The following MTA3 variants were observed in gnomAD, a reference collection of about 807,000 sequenced individuals.
The protein encoded by MTA3 is metastasis-associated protein MTA3.
In MTA3, 34 loss-of-function variants were observed where a neutral mutation model predicts 83.5. That is an observed-to-expected ratio of 0.41 (90% confidence interval 0.31 to 0.54). The LOEUF is 0.54. Among genes scored for constraint, MTA3 ranks in the 20% least tolerant of loss-of-function variants. The probability of loss-of-function intolerance (pLI) is 0.33; values close to 1 mark genes in which losing one functional copy is unlikely to be tolerated. For synonymous variants in MTA3, 303 were observed against 252.7 expected, an observed-to-expected ratio of 1.20 and a Z score of -1.89; for missense variants, 761 against 726.4, an observed-to-expected ratio of 1.05 and a Z score of -0.55.
intron 14 of MTA3, among the ~76,000 whole-genome samples, chr2:42,714,218 C>G (rs1666861313): frequency 6.6e-6 from 1 of 152,110 alleles, no homozygotes; most frequent in East Asian, 1.9e-4. Flanking sequence ...TGCCCGTGGC[C>G]TGTTTTCTAT....
In MTA3 at chr2:42,627,433, G is replaced by C. The variant is rs116391284; in HGVS notation, c.318-12740G>C. Among the ~76,000 whole-genome samples the C allele has an allele frequency of 8.7e-3, 1,330 of 152,268 alleles. 12 individuals are homozygous for C. Among genetic ancestry groups the C allele is most frequent in the Non-Finnish European group, 0.013 (895 of 68,016 alleles). On this transcript the variant is annotated intron_variant, in intron 4 of 16. Transcript: ENST00000405094. ...CAATGCTATGTTTAGTAGTATTTTA[G>C]ATAGTGGCCAGATGTGCTCTTCTTA...
At chr2:42,577,134 A>ATATATATATATATATATAT (rs1558451250) in intron 2 of MTA3, among the ~76,000 whole-genome samples, 3 of 96,714 alleles carry the variant, frequency 3.1e-5, no homozygotes, top group African/African-American at 1.3e-4. Flanking sequence ...ATATATATAT[A>ATATATATATATATATATAT]AAAATGAACT....
upstream of MTA3, among the ~76,000 whole-genome samples, chr2:42,565,021 C>A (rs755872123): frequency 3.3e-5 from 5 of 152,114 alleles, no homozygotes; most frequent in Admixed American, 2.0e-4. Context: ...CATGATCCGC[C>A]GGCCTCGGCC....
chr2:42,622,113 A>C (rs1038752076), intron 4 of MTA3, among the ~76,000 whole-genome samples: 5 of 152,094 alleles, frequency 3.3e-5, no homozygotes, highest in South Asian at 2.1e-4. Context: ...AGCCTGGGCA[A>C]CATTGAGCAC....
intron 2 of MTA3, among the ~76,000 whole-genome samples, chr2:42,517,544 G>GTGAGACTCTGTCT (rs1675201629): frequency 6.8e-6 from 1 of 146,064 alleles, no homozygotes; most frequent in Non-Finnish European, 1.5e-5. Flanking sequence ...TTGCACTCCA[G>GTGAGACTCTGTCT]CCTTGGGGAC....
chr2:42,567,732 G>A (rs1416745834), upstream of MTA3, among the ~76,000 whole-genome samples: 1 of 151,764 alleles, frequency 6.6e-6, no homozygotes, highest in Non-Finnish European at 1.5e-5. Flanking sequence ...TAACCATTTA[G>A]AAGCTTTAGG....
intron 11 of MTA3, 146 bp downstream of exon 11, chr2:42,697,980 A>G (rs768976078): frequency 4.4e-5 from 25 of 563,540 alleles, no homozygotes; most frequent in Non-Finnish European, 7.7e-5. Context: ...TTATACCACT[A>G]CAATAAAAAG....
chr2:42,686,915 T>C (rs1190681532), intron 9 of MTA3, among the ~76,000 whole-genome samples: 2 of 151,440 alleles, frequency 1.3e-5, no homozygotes, highest in African/African-American at 4.9e-5. Flanking sequence ...GGCCAGGAGT[T>C]TGAGACCAGG....
chr2:42,734,605 G>T (rs553238430), intron 16 of MTA3, among the ~76,000 whole-genome samples: 1 of 148,536 alleles, frequency 6.7e-6, no homozygotes, highest in Non-Finnish European at 1.5e-5. Context: ...TTGTTTTCTC[G>T]TTATTTTGTG....
At chr2:42,515,790 G>A (rs1405975289) in intron 2 of MTA3, among the ~76,000 whole-genome samples, 2 of 150,290 alleles carry the variant, frequency 1.3e-5, no homozygotes, top group African/African-American at 2.4e-5. Flanking sequence ...GTGAACCACC[G>A]TGCCCAGTCG....
At chr2:42,540,847 AT>A (rs1676487938) in intron 2 of MTA3, among the ~76,000 whole-genome samples, 1 of 146,508 alleles carries the variant, frequency 6.8e-6, no homozygotes, top group African/African-American at 2.5e-5. Flanking sequence ...AAAAAAAAAA[AT>A]TAAAAAAAAA....
At chr2:42,571,570 A>T (rs998213763) in intron 2 of MTA3, among the ~76,000 whole-genome samples, 1 of 152,198 alleles carries the variant, frequency 6.6e-6, no homozygotes, top group African/African-American at 2.4e-5. Flanking sequence ...GTTTAGAGTC[A>T]TAATGTGTAT....
At chr2:42,708,788 G>T (rs1666334132) in intron 13 of MTA3, 86 bp from the exon 14 acceptor site, 1 of 1,356,402 alleles carries the variant, frequency 7.4e-7, no homozygotes, top group Non-Finnish European at 1.0e-6. Context: ...TTTAAAAGTT[G>T]CACTTTTCTT....
intron 16 of MTA3, among the ~76,000 whole-genome samples, chr2:42,730,301 A>C (rs2104560419): frequency 6.6e-6 from 1 of 152,314 alleles, no homozygotes; most frequent in African/African-American, 2.4e-5. Context: ...TTTAAATCTT[A>C]GAGGAAAGGC....
At chr2:42,612,871 T>A (rs1684396196) in intron 4 of MTA3, among the ~76,000 whole-genome samples, 1 of 151,822 alleles carries the variant, frequency 6.6e-6, no homozygotes, top group Non-Finnish European at 1.5e-5. Context: ...AAAAAATAAA[T>A]AAATAAATAA....
chr2:42,632,574 G>A (rs17679678), intron 4 of MTA3, among the ~76,000 whole-genome samples: 7,047 of 152,220 alleles, frequency 0.046, 482 homozygotes, highest in Admixed American at 0.21. Flanking sequence ...AGAGGGAAGA[G>A]TGGTATCAAG....
intron 2 of MTA3, chr2:42,532,652 C>G (rs1676031920): frequency 1.2e-5 from 2 of 160,362 alleles, no homozygotes; most frequent in Non-Finnish European, 1.4e-5. Context: ...AATTAGTACA[C>G]AATTAAAATT....
At chr2:42,586,279 G>GAA (rs571930742) in intron 3 of MTA3, among the ~76,000 whole-genome samples, 1 of 104,728 alleles carries the variant, frequency 9.5e-6, no homozygotes. Flanking sequence ...CATCTCAAAA[G>GAA]AAAAAAAAAA....
intron 3 of MTA3, among the ~76,000 whole-genome samples, chr2:42,598,553 C>G (rs577025908): frequency 6.6e-6 from 1 of 152,184 alleles, no homozygotes; most frequent in Non-Finnish European, 1.5e-5. Flanking sequence ...GGTCACCTAA[C>G]TGGATTAGTA....
Sources: allele counts gnomAD v4.1 joint callset (sites outside exome capture counted in the v4.1 genomes callset), GRCh38; gene constraint gnomAD v4.1.1; transcripts MANE v1.5; gene names NCBI Gene and HGNC (gene_info 2026-07-23, HGNC 2026-07-21).